NOTCH1: variants seen among roughly 807,000 people sequenced by gnomAD.
The protein encoded by NOTCH1 is notch receptor 1.
A neutral mutation model predicts 254.8 loss-of-function variants in NOTCH1; 37 were observed. The observed-to-expected ratio is 0.15, with a 90% CI of 0.11 to 0.19. The LOEUF (loss-of-function observed/expected upper bound fraction) is 0.19, where lower values mean the gene tolerates loss of function less well. NOTCH1 is among the 10% of genes least tolerant of loss of function. NOTCH1 has a pLI of 1.00. For missense variants in NOTCH1, 2,972 were observed against 3,708.6 expected, an observed-to-expected ratio of 0.80 and a Z score of 5.16; for synonymous variants, 1,731 against 1,618.1, an observed-to-expected ratio of 1.07 and a Z score of -1.68.
chr9:136,503,106 A>G, intron 27 of NOTCH1, 76 bp downstream of exon 27: 1 of 1,597,526 alleles, frequency 6.3e-7, no homozygotes, highest in Non-Finnish European at 8.6e-7. Flanking sequence ...TGGCACAAAC[A>G]GCCAGCGTGT....
chr9:136,503,490 C>T (rs937002506), intron 26 of NOTCH1, among the ~76,000 whole-genome samples, 160 bp from the exon 27 acceptor site: 4 of 152,216 alleles, frequency 2.6e-5, no homozygotes, highest in African/African-American at 9.7e-5. Context: ...AGCAGCTACC[C>T]TGCAGGGGAC....
Position 136,494,798 on chromosome 9 carries a change from C to T in NOTCH1, c.*1273G>A. On this transcript the variant is annotated 3_prime_UTR_variant, in exon 34 of 34. Transcript: ENST00000651671. ...TTCATTAAGATTTTTTAAACAAAAT[C>T]CACCTTTAAAAACATATTTACAGAC... 2.5e-6 allele frequency: 1 copy of T among 398,738 alleles called. No homozygotes were observed. Among genetic ancestry groups the T allele is most frequent in the East Asian group, 3.5e-5 (1 of 28,218 alleles). The allele number at this position is 398,738 out of a possible 1,614,324, so 24.7% of individuals were successfully genotyped here.
chr9:136,522,266 C>A (rs1335188374), intron 4 of NOTCH1, among the ~76,000 whole-genome samples: 1 of 152,182 alleles, frequency 6.6e-6, no homozygotes, highest in Non-Finnish European at 1.5e-5. Flanking sequence ...CGTGAGCCAC[C>A]ACGCGCGGCC....
chr9:136,528,541 C>A (rs1266910873), intron 2 of NOTCH1, among the ~76,000 whole-genome samples: 1 of 123,476 alleles, frequency 8.1e-6, no homozygotes, highest in Non-Finnish European at 1.8e-5. Flanking sequence ...GAGGGACGGG[C>A]AGGGACAGTT....
chr9:136,527,590 G>A (rs950399106), intron 2 of NOTCH1, among the ~76,000 whole-genome samples: 1 of 152,208 alleles, frequency 6.6e-6, no homozygotes, highest in Non-Finnish European at 1.5e-5. Flanking sequence ...GATAGGGAAC[G>A]CCAGTCTCCC....
At position 136,540,380 on chromosome 9, in the gene NOTCH1, G is replaced by A. The variant is rs1449351009; in HGVS notation, c.140+3644C>T. On this transcript the variant is annotated intron_variant, in intron 2 of 33. Coordinates refer to ENST00000651671, the MANE Select transcript of NOTCH1 (RefSeq NM_017617.5). This position sits in a 1 kb window ranked among gnomAD's most constrained non-coding sequence, Gnocchi z 4.4. ...GGAGCTGGAGCCATCCTGGGAGATG[G>A]ACTTCCCCAGAGCCGGCAAGTCCCT... is the stretch of plus-strand genomic sequence containing the variant. Among the ~76,000 whole-genome samples, 2 of 152,056 alleles carry A rather than the reference G, an allele frequency of 1.3e-5. No homozygotes were observed. Among genetic ancestry groups the A allele is most frequent in the South Asian group, 2.1e-4 (1 of 4,822 alleles).
chr9:136,542,335 C>G (rs1564214880), intron 2 of NOTCH1, among the ~76,000 whole-genome samples: 1 of 152,136 alleles, frequency 6.6e-6, no homozygotes, highest in Non-Finnish European at 1.5e-5. Flanking sequence ...GAGGCAAAGT[C>G]CGAGCCGGGA....
chr9:136,514,298 A>G (rs1345129642), intron 13 of NOTCH1, among the ~76,000 whole-genome samples: 1 of 152,214 alleles, frequency 6.6e-6, no homozygotes, highest in Non-Finnish European at 1.5e-5. Flanking sequence ...TGCAGCCCAC[A>G]AGGACACGCA....
chr9:136,524,035 C>T (rs953278144), intron 2 of NOTCH1, 56 bp from the exon 3 acceptor site: 30 of 1,531,798 alleles, frequency 2.0e-5, no homozygotes, highest in Non-Finnish European at 2.5e-5. Context: ...AGCGCCCCCG[C>T]CACTCAGCAC....
intron 2 of NOTCH1, among the ~76,000 whole-genome samples, chr9:136,537,051 G>A (rs763392647): frequency 5.3e-5 from 8 of 152,216 alleles, no homozygotes; most frequent in East Asian, 1.9e-4. Context: ...GACAGGGGCC[G>A]CGGGCACGCC....
chr9:136,514,437 G>T, intron 13 of NOTCH1, 73 bp downstream of exon 13: 1 of 1,479,946 alleles, frequency 6.8e-7, no homozygotes, highest in Non-Finnish European at 9.1e-7. Flanking sequence ...CTCTGTGCAG[G>T]TGCCACCCTC....
At chr9:136,523,457 G>C (rs1843407522) in intron 3 of NOTCH1, among the ~76,000 whole-genome samples, 1 of 152,254 alleles carries the variant, frequency 6.6e-6, no homozygotes, top group African/African-American at 2.4e-5. Flanking sequence ...CACGGCAGGA[G>C]GAAGGGGGCA....
At position 136,545,109 on chromosome 9, in the gene NOTCH1, A is replaced by T. The variant is rs889557803; in HGVS notation, c.61+617T>A. Among the ~76,000 whole-genome samples, 2 of 151,978 alleles carry T rather than the reference A, an allele frequency of 1.3e-5. No homozygotes were observed. Among genetic ancestry groups the T allele is most frequent in the Admixed American group, 1.3e-4 (2 of 15,284 alleles). ...CCAAACTTCAACTCCGCAAAGCAAAAGGAAAGTTCAGTCCCCCCGGGCGCG... is the reference window on the plus strand; with the variant it reads ...CCAAACTTCAACTCCGCAAAGCAAATGGAAAGTTCAGTCCCCCCGGGCGCG... On this transcript the variant is annotated intron_variant, in intron 1 of 33. Transcript: ENST00000651671. This position sits in a 1 kb window ranked among gnomAD's most constrained non-coding sequence, Gnocchi z 6.8.
In NOTCH1 at chr9:136,506,669, T is replaced by C. The variant is rs1458524017; in HGVS notation, c.3902-30A>G. The C allele has an allele frequency of 3.1e-6, 5 of 1,598,370 alleles. No individual in the cohort carries two copies. The highest frequency in any genetic ancestry group is 4.3e-6 in the Non-Finnish European group (5 of 1,173,430). On this transcript the variant is annotated intron_variant, in intron 23 of 33. Transcript: ENST00000651671. The surrounding 1 kb of genome is among the most constrained non-coding windows in gnomAD (Gnocchi z 4.5). ...GGGTAAGAGCAGGGCAGTGAGAGGCTCACCCTGCTGCCCCACACGCCCCAC... is the reference window on the plus strand; with the variant it reads ...GGGTAAGAGCAGGGCAGTGAGAGGCCCACCCTGCTGCCCCACACGCCCCAC...
rs979814263 is a variant in NOTCH1, at chr9:136,526,396, G to A, written c.141-2417C>T. Among the ~76,000 whole-genome samples, 6 of 152,212 alleles carry A rather than the reference G, an allele frequency of 3.9e-5. No individual in the cohort carries two copies. The South Asian group carries it at 6.2e-4, about 16-fold the overall frequency. ...AGGGGGTGGGTACAGGACAGAGGGC[G>A]CTCGGTCATCAAAGCCGGGGCTGGA... On this transcript the variant is annotated intron_variant, in intron 2 of 33. Transcript: ENST00000651671.
At position 136,494,999 on chromosome 9, in the gene NOTCH1, G is replaced by C; in HGVS notation, c.*1072C>G. 2.5e-6 allele frequency: 1 copy of C among 398,930 alleles called. No individual in the cohort carries two copies. The highest frequency in any genetic ancestry group is 4.4e-6 in the Non-Finnish European group (1 of 226,048). 24.7% of individuals were successfully genotyped at this position (398,930 alleles called of 1,614,324 possible). On this transcript the variant is annotated 3_prime_UTR_variant, in exon 34 of 34. Coordinates refer to ENST00000651671, the MANE Select transcript of NOTCH1 (RefSeq NM_017617.5). ...AGCCCACGGCGTTGCACAGCTCAATGTGCCCGGCTCTGGCAAGTCTCCTAC... is the reference window on the plus strand; with the variant it reads ...AGCCCACGGCGTTGCACAGCTCAATCTGCCCGGCTCTGGCAAGTCTCCTAC...
chr9:136,522,956 G>A lies in NOTCH1; in HGVS notation c.636C>T (p.Gly212=), dbSNP rs1843397551. The A allele has an allele frequency of 1.3e-6, 2 of 1,557,948 alleles. No homozygotes were observed. Among genetic ancestry groups the A allele is most frequent in the Admixed American group, 1.9e-5 (1 of 51,946 alleles). Residue 212 remains glycine (G), a synonymous_variant, in exon 4 of 34, where the codon GGC becomes GGT. Coordinates refer to ENST00000651671, the MANE Select transcript of NOTCH1 (RefSeq NM_017617.5). ...GCACGTAGGGCCGCTCGCAGTTGGG[G>A]CCAGTGTGGGTGGCGCGGCAGACGC... ...YRCVCRATHT[G]PNCERPYVPC...
intron 2 of NOTCH1, among the ~76,000 whole-genome samples, chr9:136,529,329 C>G (rs370839891): frequency 6.6e-6 from 1 of 152,234 alleles, no homozygotes; most frequent in Admixed American, 6.5e-5. Context: ...AGCTCTAGCC[C>G]GGACCAAGGC....
In NOTCH1 at chr9:136,522,391, G is replaced by C. The variant is rs796342044; in HGVS notation, c.742+459C>G. 2.2e-4 allele frequency among the ~76,000 whole-genome samples: 34 copies of C among 152,330 alleles called. 1 individual carries two copies. The highest frequency in any genetic ancestry group is 7.9e-4 in the African/African-American group (33 of 41,572). ...ACAACACGGGGATCGGGGAGCACTG[G>C]GGACACGGGCAGGCGGCTGCGCCTA... On this transcript the variant is annotated intron_variant, in intron 4 of 33. Coordinates refer to ENST00000651671, the MANE Select transcript of NOTCH1 (RefSeq NM_017617.5).
Sources: allele counts gnomAD v4.1 joint callset (sites outside exome capture counted in the v4.1 genomes callset), GRCh38; gene constraint gnomAD v4.1.1; non-coding constraint Gnocchi (gnomAD v3.1); transcripts MANE v1.5; gene names NCBI Gene and HGNC (gene_info 2026-07-23, HGNC 2026-07-21).